WDR41: variants seen among roughly 807,000 people sequenced by gnomAD.
WDR41 encodes WD repeat domain 41.
Under a neutral mutation model 69.3 loss-of-function variants are expected in WDR41, and 63 were observed. That is an observed-to-expected ratio of 0.91 (90% confidence interval 0.74 to 1.12). The LOEUF is 1.12. WDR41 is among the 50% of genes most tolerant of loss of function. WDR41 has a pLI of 0.00. For missense variants in WDR41, 543 were observed against 534.5 expected (o/e 1.02, Z -0.16); for synonymous variants, 185 against 192.1 (o/e 0.96, Z 0.31).
At chr5:77,606,812 A>C (rs867361887) in intron 1 of WDR41, among the ~76,000 whole-genome samples, 1 of 151,994 alleles carries the variant, frequency 6.6e-6, no homozygotes, top group African/African-American at 2.4e-5. Flanking sequence ...CAAAGAAAAG[A>C]AAAGAAAAAG....
intron 1 of WDR41, among the ~76,000 whole-genome samples, chr5:77,541,214 G>A (rs904052223): frequency 1.2e-4 from 19 of 152,028 alleles, no homozygotes; most frequent in African/African-American, 4.4e-4. Flanking sequence ...TCTGACAAAG[G>A]TCTAATATGC....
intron 1 of WDR41, among the ~76,000 whole-genome samples, chr5:77,619,020 C>T (rs1190765067): frequency 6.6e-6 from 1 of 152,164 alleles, no homozygotes; most frequent in African/African-American, 2.4e-5. Flanking sequence ...CTTTCTACAC[C>T]TTGATACAGC....
chr5:77,436,206 C>A (rs1798929576), intron 12 of WDR41, 55 bp downstream of exon 12: 2 of 1,579,766 alleles, frequency 1.3e-6, no homozygotes, highest in African/African-American at 1.4e-5. Flanking sequence ...AAGAAAAGAG[C>A]AATGAAATGC....
At chr5:77,473,758 C>T (rs1800746026) in intron 2 of WDR41, among the ~76,000 whole-genome samples, 1 of 152,134 alleles carries the variant, frequency 6.6e-6, no homozygotes, top group African/African-American at 2.4e-5. Context: ...CCATCTCACA[C>T]CAGTTAGAAT....
chr5:77,561,315 T>C (rs1052957167), intron 1 of WDR41, among the ~76,000 whole-genome samples: 9 of 152,190 alleles, frequency 5.9e-5, no homozygotes, highest in Non-Finnish European at 1.0e-4. Context: ...ACAGGAATTT[T>C]CCAAGTTAAT....
intron 4 of WDR41, among the ~76,000 whole-genome samples, chr5:77,460,333 A>G (rs1432877926): frequency 6.6e-6 from 1 of 152,234 alleles, no homozygotes; most frequent in African/African-American, 2.4e-5. Context: ...TTTTATGTAT[A>G]TAACACACTA....
At chr5:77,458,254 G>C (rs1287142357) in intron 5 of WDR41, among the ~76,000 whole-genome samples, 1 of 152,136 alleles carries the variant, frequency 6.6e-6, no homozygotes, top group African/African-American at 2.4e-5. Flanking sequence ...TTGATATTTT[G>C]AACAGCACAG....
rs577965890 is a variant in WDR41, at chr5:77,436,270, T to G, written c.1218A>C (p.Ser406=). 1 of 1,613,820 alleles carries G rather than the reference T, an allele frequency of 6.2e-7. No homozygotes were observed. Among genetic ancestry groups the G allele is most frequent in the South Asian group, 1.1e-5 (1 of 91,020 alleles). ...ELIGDLIGHS[S]SVEMFLYFED... is the part of the protein sequence containing the mutation. ...GGCTAAACAGCAATACCTCCACAGA[T>G]GATGAGTGTCCAATCAAATCTCCAA... The change falls in exon 12 of 13, where the codon TCA becomes TCC. Residue 406 remains serine, a synonymous_variant. Coordinates refer to ENST00000296679, the MANE Select transcript of WDR41 (RefSeq NM_018268.4).
chr5:77,451,476 C>T (rs551208021), intron 6 of WDR41, 123 bp from the exon 7 acceptor site: 1 of 772,214 alleles, frequency 1.3e-6, no homozygotes, highest in South Asian at 1.7e-5. Context: ...AGAACTAGCT[C>T]CACACACACT....
intron 2 of WDR41, among the ~76,000 whole-genome samples, chr5:77,478,283 C>A (rs967981788): frequency 1.8e-4 from 28 of 152,128 alleles, no homozygotes; most frequent in Admixed American, 6.6e-5. Context: ...TGAAACTATT[C>A]CAATCAATAG....
intron 1 of WDR41, among the ~76,000 whole-genome samples, chr5:77,521,357 C>T (rs1802368694): frequency 6.6e-6 from 1 of 152,240 alleles, no homozygotes; most frequent in Non-Finnish European, 1.5e-5. Context: ...AATGCCGGCT[C>T]CCATGCCACT....
At chr5:77,505,033 G>C (rs569204898) in intron 1 of WDR41, among the ~76,000 whole-genome samples, 141 of 152,210 alleles carry the variant, frequency 9.3e-4, no homozygotes, top group African/African-American at 3.3e-3. Flanking sequence ...AGGGCAATCA[G>C]GCAAGAGAAA....
intron 1 of WDR41, among the ~76,000 whole-genome samples, chr5:77,497,721 A>G (rs1801955978): frequency 6.6e-6 from 1 of 152,160 alleles, no homozygotes. Flanking sequence ...CAACTACCAT[A>G]TGACCCAGCA....
Position 77,581,289 on chromosome 5 carries a change from T to C in WDR41, c.42+39190A>G, listed in dbSNP as rs183990958. 2.1e-3 allele frequency among the ~76,000 whole-genome samples: 317 copies of C among 152,242 alleles called. 1 individual carries two copies. Among genetic ancestry groups the C allele is most frequent in the Admixed American group, 3.5e-3 (54 of 15,284 alleles). ...AGGGACATTTTATAATGATAAAAGG[T>C]CAATCTACCATGAAGATATAATTAT... On this transcript the variant is annotated intron_variant, in intron 1 of 5. Transcript: ENST00000509971.
intron 1 of WDR41, among the ~76,000 whole-genome samples, chr5:77,588,199 G>A (rs1466308263): frequency 6.6e-6 from 1 of 152,048 alleles, no homozygotes; most frequent in Non-Finnish European, 1.5e-5. Flanking sequence ...TCATATATAT[G>A]CATTATACAA....
At chr5:77,438,388 A>G in intron 9 of WDR41, 27 bp from the exon 10 acceptor site, 2 of 1,612,658 alleles carry the variant, frequency 1.2e-6, no homozygotes, top group Non-Finnish European at 1.7e-6. Flanking sequence ...AGAAATGGGC[A>G]TAAAACTAGC....
intron 8 of WDR41, among the ~76,000 whole-genome samples, chr5:77,449,127 A>C (rs1350307537): frequency 1.3e-5 from 2 of 152,176 alleles, no homozygotes; most frequent in Non-Finnish European, 2.9e-5. Flanking sequence ...CTGAATGTCA[A>C]GATCAGTGGT....
At position 77,449,791 on chromosome 5, in the gene WDR41, C is replaced by T. The variant is rs1243229763; in HGVS notation, c.666G>A (p.Gln222=). The T allele has an allele frequency of 6.2e-7, 1 of 1,612,822 alleles. No individual in the cohort carries two copies. Among genetic ancestry groups the T allele is most frequent in the Non-Finnish European group, 8.5e-7 (1 of 1,179,040 alleles). The change falls in exon 8 of 13, where the codon CAG becomes CAA. Residue 222 remains glutamine (Q), a synonymous_variant. Coordinates refer to ENST00000296679, the MANE Select transcript of WDR41 (RefSeq NM_018268.4). ...CATTAATCAATGAGAGAATATTATC[C>T]TGGTGATCAAGGAGGCGCTTAACTT... is the stretch of plus-strand genomic sequence containing the variant. ...ILEVKRLLDH[Q]DNILSLINVN...
At chr5:77,545,760 G>A (rs1004955796) in intron 1 of WDR41, 6 of 729,424 alleles carry the variant, frequency 8.2e-6, no homozygotes, top group Non-Finnish European at 1.3e-5. Flanking sequence ...TTGTTGCCTT[G>A]ACTACATTGG....
Sources: allele counts gnomAD v4.1 joint callset (sites outside exome capture counted in the v4.1 genomes callset), GRCh38; gene constraint gnomAD v4.1.1; transcripts MANE v1.5; gene names NCBI Gene and HGNC (gene_info 2026-07-23, HGNC 2026-07-21).